Variants in CHIT1 observed in about 807,000 individuals in gnomAD.
CHIT1 encodes chitinase 1.
Under a neutral mutation model 52.0 loss-of-function variants are expected in CHIT1, and 47 were observed. That is an observed-to-expected ratio of 0.90 (90% CI 0.71 to 1.15). The LOEUF (loss-of-function observed/expected upper bound fraction) is 1.15, where lower values mean the gene tolerates loss of function less well. CHIT1 is among the 50% of genes most tolerant of loss of function. CHIT1 has a pLI of 0.00. For synonymous variants in CHIT1, 242 were observed against 228.2 expected, an observed-to-expected ratio of 1.06 and a Z score of -0.54; for missense variants, 569 against 583.0, an observed-to-expected ratio of 0.98 and a Z score of 0.25.
Position 203,217,766 on chromosome 1 carries a change from G to A in CHIT1, c.1129C>T (p.Leu377Phe). The A allele has an allele frequency of 6.2e-7, 1 of 1,613,708 alleles. No homozygotes were observed. The highest frequency in any genetic ancestry group is 8.5e-7 in the Non-Finnish European group (1 of 1,179,736). Residue 377 changes from leucine to phenylalanine, a missense_variant, in exon 10 of 11, where the codon CTC (leucine) becomes TTC (phenylalanine). Coordinates refer to ENST00000367229, the MANE Select transcript of CHIT1 (RefSeq NM_003465.3). Reference protein sequence around the residue: ...GFSCNQGRYPLIQTLRQELSL... With the variant: ...GFSCNQGRYPFIQTLRQELSL... ...AGTTCCTGCCGTAGCGTCTGGATGA[G>A]GGGGTATCGGCCCTGGTTGCAGGAG...
intron 8 of CHIT1, 74 bp from the exon 9 acceptor site, chr1:203,219,403 G>C: frequency 1.0e-6 from 1 of 966,572 alleles, no homozygotes; most frequent in Non-Finnish European, 1.7e-6. Context: ...TCACCAGGAG[G>C]AGACTAGAGA....
At chr1:203,217,713 C>T in intron 10 of CHIT1, 26 bp downstream of exon 10, 5 of 1,613,648 alleles carry the variant, frequency 3.1e-6, no homozygotes, top group Non-Finnish European at 4.2e-6. Context: ...CCAAATTCCA[C>T]CACTGGCCCT....
At chr1:203,219,568 G>T (rs913645858) in intron 8 of CHIT1, 96 bp downstream of exon 8, 3 of 1,394,998 alleles carry the variant, frequency 2.2e-6, no homozygotes, top group Non-Finnish European at 2.0e-6. Flanking sequence ...TCTGCAATTG[G>T]CATCCTTACT....
Position 203,216,778 on chromosome 1 carries a change from CAGA to C in CHIT1, c.*108_*110del. On this transcript the variant is annotated 3_prime_UTR_variant, in exon 11 of 11. Coordinates refer to ENST00000367229, the MANE Select transcript of CHIT1 (RefSeq NM_003465.3). ...AGAAAGCCTGGATAAAGGAAGACCA[CAGA>C]AAGGCCTGCAGGAGCCAGATTGCGG... 1.0e-5 allele frequency: 15 copies of C among 1,443,788 alleles called. No individual in the cohort carries two copies. The highest frequency in any genetic ancestry group is 1.4e-5 in the Non-Finnish European group (14 of 1,031,074). 89.4% of individuals were successfully genotyped at this position (1,443,788 alleles called of 1,614,324 possible).
At chr1:203,222,074 C>T in intron 7 of CHIT1, 128 bp downstream of exon 7, 3 of 1,371,124 alleles carry the variant, frequency 2.2e-6, no homozygotes, top group South Asian at 1.2e-5. Context: ...AGCAAAGAAA[C>T]AAAAAAGCTT....
Position 203,223,501 on chromosome 1 carries a change from C to G in CHIT1, c.474G>C (p.Leu158=). 1 of 1,614,188 alleles carries G rather than the reference C, an allele frequency of 6.2e-7. No individual in the cohort carries two copies. The highest frequency in any genetic ancestry group is 8.5e-7 in the Non-Finnish European group (1 of 1,180,038). ...PAVDKERFTT[L]VQDLANAFQQ... Reference sequence around the variant, plus strand: ...CCGCCCCGCCCAGCCATACCTGTACCAGGGTTGTGAAGCGCTCCTTGTCTA... The same window carrying G: ...CCGCCCCGCCCAGCCATACCTGTACGAGGGTTGTGAAGCGCTCCTTGTCTA... Residue 158 remains leucine (L), a synonymous_variant, in exon 5 of 11, where the codon CTG becomes CTC. Transcript: ENST00000367229.
In CHIT1 at chr1:203,228,565, G is replaced by A; in HGVS notation, c.26-3C>T. 6.3e-7 allele frequency: 1 copy of A among 1,585,304 alleles called. No homozygotes were observed. The highest frequency in any genetic ancestry group is 8.6e-7 in the Non-Finnish European group (1 of 1,163,704). On this transcript the variant is annotated splice_region_variant and splice_polypyrimidine_tract_variant and intron_variant, in intron 1 of 10. Transcript: ENST00000367229. ...GATCATCAGCAGGACCATGAAACCT[G>A]GAGCAACACAAGAGAGAAGGCCAGG...
At chr1:203,220,539 C>G (rs536306709) in intron 7 of CHIT1, among the ~76,000 whole-genome samples, 68 of 152,204 alleles carry the variant, frequency 4.5e-4, no homozygotes, top group African/African-American at 1.6e-3. Flanking sequence ...AGGCCTGTGA[C>G]GGGAGAAGGT....
rs1191043046 is a variant in CHIT1, at chr1:203,228,521, G to A, written c.55+12C>T. 3.2e-6 allele frequency: 5 copies of A among 1,587,018 alleles called. No individual in the cohort carries two copies. Among genetic ancestry groups the A allele is most frequent in the Admixed American group, 1.7e-5 (1 of 57,730 alleles). On this transcript the variant is annotated intron_variant, in intron 2 of 10. Transcript: ENST00000367229. ...GGAAGGGGCTGAGGCAGCCAAGAAA[G>A]AGGCTACTTACCCCATGGGATCATC...
intron 2 of CHIT1, among the ~76,000 whole-genome samples, chr1:203,228,230 A>C (rs1656996635): frequency 3.3e-5 from 5 of 152,252 alleles, no homozygotes; most frequent in Admixed American, 3.3e-4. Context: ...TAAAACACAC[A>C]GGTGCTGCAA....
At chr1:203,220,111 G>C (rs1656682738) in intron 7 of CHIT1, among the ~76,000 whole-genome samples, 1 of 152,192 alleles carries the variant, frequency 6.6e-6, no homozygotes, top group Non-Finnish European at 1.5e-5. Context: ...AATGTGTACT[G>C]ATGGCCCACT....
At chr1:203,222,380 C>A in intron 6 of CHIT1, 55 bp from the exon 7 acceptor site, 1 of 1,612,868 alleles carries the variant, frequency 6.2e-7, no homozygotes, top group Non-Finnish European at 8.5e-7. Context: ...GTGGGGTAGC[C>A]CTTCTTTCTC....
chr1:203,219,201 A>C lies in CHIT1; in HGVS notation c.1029+15T>G. 2.1e-6 allele frequency: 3 copies of C among 1,401,416 alleles called. No homozygotes were observed. Among genetic ancestry groups the C allele is most frequent in the Non-Finnish European group, 3.0e-6 (3 of 985,486 alleles). 86.8% of individuals were successfully genotyped at this position (1,401,416 alleles called of 1,614,324 possible). On this transcript the variant is annotated intron_variant, in intron 9 of 10. Transcript: ENST00000367229. ...TCACTAGGACCACCCCTCTGCCAGC[A>C]GAGCTGGGCCTCACCTTGGTTTTGA...
At chr1:203,226,871 A>G (rs1293531227) in intron 2 of CHIT1, among the ~76,000 whole-genome samples, 1 of 152,026 alleles carries the variant, frequency 6.6e-6, no homozygotes, top group African/African-American at 2.4e-5. Context: ...CTCATCTTCA[A>G]TCCCGGCCCC....
In CHIT1 at chr1:203,222,915, A is replaced by G. The variant is rs12043547; in HGVS notation, c.605+220T>C. ...AGAGATCCAAAATGAAGGATCTGGA[A>G]CAGGGCAGCAGTGGACACTGAGCAA... is the stretch of plus-strand genomic sequence containing the variant. On this transcript the variant is annotated intron_variant, in intron 6 of 10. Coordinates refer to ENST00000367229, the MANE Select transcript of CHIT1 (RefSeq NM_003465.3). Among the ~76,000 whole-genome samples the G allele has an allele frequency of 2.8e-4, 43 of 152,322 alleles. No homozygotes were observed. The East Asian group carries it at 7.3e-3, about 26-fold the overall frequency.
chr1:203,223,384 A>G, intron 5 of CHIT1, 111 bp downstream of exon 5: 1 of 1,598,792 alleles, frequency 6.3e-7, no homozygotes. Context: ...TGTGCCATGC[A>G]GATACGTGAA....
chr1:203,220,539 C>T (rs536306709), intron 7 of CHIT1, among the ~76,000 whole-genome samples: 4 of 152,086 alleles, frequency 2.6e-5, no homozygotes, highest in Admixed American at 1.3e-4. Flanking sequence ...AGGCCTGTGA[C>T]GGGAGAAGGT....
rs754057913 is a variant in CHIT1, at chr1:203,217,836, G to GCCCAGTCCCTAGACCATGGCCCCA, written c.1058_1059insTGGGGCCATGGTCTAGGGACTGGG (p.Val357_Trp358insTer). The GCCCAGTCCCTAGACCATGGCCCCA allele has an allele frequency of 6.2e-7, 1 of 1,613,872 alleles. No homozygotes were observed. The highest frequency in any genetic ancestry group is 8.5e-7 in the Non-Finnish European group (1 of 1,179,914). On this transcript the variant is annotated stop_gained and inframe_insertion, in exon 10 of 11. Transcript: ENST00000367229. LOFTEE classifies it high-confidence loss of function. ...AGTCCAGTGCCCAGACCATGGCCCC[G>GCCCAGTCCCTAGACCATGGCCCCA]CCCAGTCCCTTCTGCTTCAGATAGC...
intron 2 of CHIT1, among the ~76,000 whole-genome samples, chr1:203,226,254 TCA>T (rs750942897): frequency 1.3e-5 from 2 of 152,178 alleles, no homozygotes; most frequent in Non-Finnish European, 2.9e-5. Context: ...GTTGCTAGTC[TCA>T]GAGTCCGAGC....
Sources: gnomAD v4.1 joint callset for allele counts (sites outside exome capture counted in the v4.1 genomes callset) on GRCh38, gnomAD v4.1.1 for gene constraint, MANE v1.5 for transcripts, NCBI Gene and HGNC (gene_info 2026-07-23, HGNC 2026-07-21) for gene names.